The following JAKMIP2 variants were observed in gnomAD, a reference collection of about 807,000 sequenced individuals.
JAKMIP2 encodes the protein janus kinase and microtubule interacting protein 2, also known as janus kinase and microtubule-interacting protein 2.
Under a neutral mutation model 115.0 loss-of-function variants are expected in JAKMIP2, and 25 were observed. The observed-to-expected ratio is 0.22, with a 90% CI of 0.16 to 0.30. The LOEUF is 0.30. Ranked by LOEUF, JAKMIP2 falls within the 10% of genes least tolerant of loss-of-function variation. The pLI, the probability that JAKMIP2 is intolerant of heterozygous loss-of-function variation, is 1.00. For synonymous variants in JAKMIP2, 334 were observed against 343.6 expected, an observed-to-expected ratio of 0.97 and a Z score of 0.31; for missense variants, 642 against 957.6, an observed-to-expected ratio of 0.67 and a Z score of 4.35.
At chr5:147,631,656 T>C in intron 13 of JAKMIP2, 145 bp from the exon 14 acceptor site, 2 of 551,312 alleles carry the variant, frequency 3.6e-6, no homozygotes, top group Non-Finnish European at 6.3e-6. Flanking sequence ...ATGTTCATGA[T>C]TAAATGTGAC....
At chr5:147,638,792 C>G (rs909706065) in intron 10 of JAKMIP2, among the ~76,000 whole-genome samples, 3 of 151,918 alleles carry the variant, frequency 2.0e-5, no homozygotes, top group African/African-American at 7.3e-5. Flanking sequence ...GCTAGGAAAC[C>G]TAGGTAAACC....
intron 3 of JAKMIP2, among the ~76,000 whole-genome samples, chr5:147,653,682 T>A (rs182737772): frequency 2.6e-5 from 4 of 152,286 alleles, no homozygotes; most frequent in Non-Finnish European, 4.4e-5. Flanking sequence ...CTGATGCGAG[T>A]TTCTTTTGCT....
At chr5:147,773,953 C>G (rs1360209768) in intron 1 of JAKMIP2, among the ~76,000 whole-genome samples, 1 of 152,058 alleles carries the variant, frequency 6.6e-6, no homozygotes, top group African/African-American at 2.4e-5. Flanking sequence ...TTTTAAAAAG[C>G]TGAGACTTAT....
At chr5:147,739,512 G>T (rs552236588) in intron 1 of JAKMIP2, among the ~76,000 whole-genome samples, 8 of 152,192 alleles carry the variant, frequency 5.3e-5, no homozygotes, top group African/African-American at 1.9e-4. Context: ...ACGTTGACTG[G>T]TGCATGAGAC....
chr5:147,778,439 T>C (rs1407189295), intron 1 of JAKMIP2, among the ~76,000 whole-genome samples: 1 of 152,068 alleles, frequency 6.6e-6, no homozygotes, highest in Non-Finnish European at 1.5e-5. Context: ...GATTAGTAAA[T>C]TGAATTAAAA....
In JAKMIP2 at chr5:147,598,556, C is replaced by A. The variant is rs1024274350; in HGVS notation, c.*20+3185G>T. 3.9e-5 allele frequency among the ~76,000 whole-genome samples: 6 copies of A among 152,040 alleles called. No individual in the cohort carries two copies. The East Asian group carries it at 1.2e-3, about 29-fold the overall frequency. On this transcript the variant is annotated intron_variant, in intron 21 of 21. Coordinates refer to ENST00000616793, the MANE Select transcript of JAKMIP2 (RefSeq NM_001270941.2). ...TTGATATGCCATTCGTTTGGAAAACCAGAATGCATAGCCAGATAATATCTT... is the reference window on the plus strand; with the variant it reads ...TTGATATGCCATTCGTTTGGAAAACAAGAATGCATAGCCAGATAATATCTT...
chr5:147,776,613 G>C (rs555975894), intron 1 of JAKMIP2, among the ~76,000 whole-genome samples: 168 of 152,236 alleles, frequency 1.1e-3, no homozygotes, highest in Non-Finnish European at 1.5e-3. Context: ...TAATGGATTT[G>C]AGTTGCTTAA....
chr5:147,768,592 G>A (rs547140811), intron 1 of JAKMIP2, among the ~76,000 whole-genome samples: 1 of 152,172 alleles, frequency 6.6e-6, no homozygotes, highest in South Asian at 2.1e-4. Context: ...AGTCATGTGA[G>A]TTATTTTAAC....
intron 1 of JAKMIP2, among the ~76,000 whole-genome samples, chr5:147,728,250 T>C (rs1003645790): frequency 1.3e-5 from 2 of 152,168 alleles, no homozygotes; most frequent in African/African-American, 4.8e-5. Flanking sequence ...CTGGAAGGTA[T>C]GGAAAAGTCT....
intron 1 of JAKMIP2, among the ~76,000 whole-genome samples, chr5:147,743,661 C>T (rs1447594338): frequency 6.6e-6 from 1 of 152,178 alleles, no homozygotes; most frequent in Non-Finnish European, 1.5e-5. Flanking sequence ...AGTGAATATC[C>T]TAATGAGTAT....
chr5:147,740,841 C>T (rs1754118303), intron 1 of JAKMIP2, among the ~76,000 whole-genome samples: 1 of 152,158 alleles, frequency 6.6e-6, no homozygotes, highest in African/African-American at 2.4e-5. Flanking sequence ...AAGGGCAAAC[C>T]TCACACAAAG....
At chr5:147,735,657 T>G (rs1329120005) in intron 1 of JAKMIP2, among the ~76,000 whole-genome samples, 1 of 152,224 alleles carries the variant, frequency 6.6e-6, no homozygotes, top group Non-Finnish European at 1.5e-5. Context: ...ACCCTATCAC[T>G]TATCATTATT....
chr5:147,603,817 C>T (rs537896778), intron 20 of JAKMIP2, among the ~76,000 whole-genome samples: 95 of 152,274 alleles, frequency 6.2e-4, no homozygotes, highest in African/African-American at 2.3e-3. Context: ...ACATTGAATT[C>T]CAACAATGAA....
At chr5:147,594,394 G>A (rs1455180478) in intron 21 of JAKMIP2, 1 of 454,454 alleles carries the variant, frequency 2.2e-6, no homozygotes, top group Admixed American at 2.4e-5. Flanking sequence ...GAGTACAGTG[G>A]TGCAATCTTG....
intron 18 of JAKMIP2, 95 bp from the exon 19 acceptor site, chr5:147,618,209 AAC>A: frequency 1.1e-6 from 1 of 874,044 alleles, no homozygotes; most frequent in Non-Finnish European, 1.9e-6. Flanking sequence ...TATGGCTGCC[AAC>A]TTTAGGCTTA....
At chr5:147,636,183 T>C in intron 12 of JAKMIP2, 39 bp downstream of exon 12, 3 of 1,558,328 alleles carry the variant, frequency 1.9e-6, no homozygotes, top group Non-Finnish European at 2.7e-6. Context: ...CTCTCATGAT[T>C]TTCTCCTCTG....
chr5:147,756,638 A>G (rs772805176), intron 1 of JAKMIP2, among the ~76,000 whole-genome samples: 17 of 152,168 alleles, frequency 1.1e-4, no homozygotes, highest in Non-Finnish European at 2.1e-4. Context: ...ACAAACACTG[A>G]GAGAAGAAAA....
rs33966431 is a variant in JAKMIP2 at position 147,589,446 on chromosome 5, CAAA to C, written c.*2258_*2260del. On this transcript the variant is annotated 3_prime_UTR_variant, in exon 22 of 22. Coordinates refer to ENST00000616793, the MANE Select transcript of JAKMIP2 (RefSeq NM_001270941.2). ...TGGGCAACAGAGCAAGACTCCATCT[CAAA>C]AAAAAAAAAAAAAAAGAATACAGCA... The C allele has an allele frequency of 2.1e-3, 269 of 126,636 alleles. No individual in the cohort carries two copies. The highest frequency in any genetic ancestry group is 4.1e-3 in the Middle Eastern group (1 of 242). The allele number at this position is 126,636 out of a possible 1,614,324, so 7.8% of individuals were successfully genotyped here.
chr5:147,735,283 C>T (rs569676275), intron 1 of JAKMIP2, among the ~76,000 whole-genome samples: 10 of 152,216 alleles, frequency 6.6e-5, no homozygotes, highest in South Asian at 2.1e-4. Flanking sequence ...AATGGTAAAG[C>T]GCTCTTCAAA....
Sources: allele counts gnomAD v4.1 joint callset (sites outside exome capture counted in the v4.1 genomes callset), GRCh38; gene constraint gnomAD v4.1.1; transcripts MANE v1.5; gene names NCBI Gene and HGNC (gene_info 2026-07-23, HGNC 2026-07-21).